GALNT9: variants seen among roughly 807,000 people sequenced by gnomAD.
GALNT9 encodes the protein polypeptide N-acetylgalactosaminyltransferase 9, also known as GalNAc transferase 9.
GALNT9 carries 47 observed loss-of-function variants against 63.1 expected under a neutral mutation model. The ratio of observed to expected loss-of-function variants is 0.75; its 90% confidence interval spans 0.59 to 0.95. The LOEUF (loss-of-function observed/expected upper bound fraction) is 0.95. Ranked by LOEUF, GALNT9 falls within the 40% of genes least tolerant of loss-of-function variation. The pLI, the probability that GALNT9 is intolerant of heterozygous loss-of-function variation, is 0.00. For synonymous variants in GALNT9, 396 were observed against 365.7 expected, an observed-to-expected ratio of 1.08 and a Z score of -0.94; for missense variants, 829 against 874.8, an observed-to-expected ratio of 0.95 and a Z score of 0.66.
At chr12:132,284,973 A>G (rs1555242024) in intron 2 of GALNT9, among the ~76,000 whole-genome samples, 1 of 152,222 alleles carries the variant, frequency 6.6e-6, no homozygotes, top group Non-Finnish European at 1.5e-5. Context: ...CCTGGGAACC[A>G]CTGCCTGAGT....
At chr12:132,231,156 C>A (rs1453107643) in intron 6 of GALNT9, among the ~76,000 whole-genome samples, 1 of 81,022 alleles carries the variant, frequency 1.2e-5, no homozygotes, top group Non-Finnish European at 2.3e-5. Flanking sequence ...AGCGTGGAGC[C>A]CCTAGTGCCA....
chr12:132,239,707 CAA>C (rs2136897385), intron 6 of GALNT9, among the ~76,000 whole-genome samples: 52 of 151,152 alleles, frequency 3.4e-4, no homozygotes, highest in Non-Finnish European at 6.8e-4. Context: ...CAGACTGAGA[CAA>C]AGAGACACAG....
At chr12:132,317,253 A>C (rs1555245788) in intron 1 of GALNT9, among the ~76,000 whole-genome samples, 1 of 151,840 alleles carries the variant, frequency 6.6e-6, no homozygotes, top group Non-Finnish European at 1.5e-5. Flanking sequence ...CCTGAATCCC[A>C]TACCCCATGG....
At chr12:132,197,389 A>G in intron 10 of GALNT9, 136 bp from the exon 11 acceptor site, 1 of 1,298,372 alleles carries the variant, frequency 7.7e-7, no homozygotes, top group South Asian at 1.5e-5. Context: ...CCAGCATCAC[A>G]GCAGCACCCA....
rs186213250 is a variant in GALNT9 at position 132,322,168 on chromosome 12, G to A, written c.238+6798C>T. ...TCCAGGTGGACGTGAGCTTCCGGGC[G>A]GGCCCCGTTCAACCCGTAACCATCC... is the stretch of plus-strand genomic sequence containing the variant. On this transcript the variant is annotated intron_variant, in intron 1 of 10. Coordinates refer to ENST00000328957, the MANE Select transcript of GALNT9 (RefSeq NM_001122636.2). 2.3e-3 allele frequency among the ~76,000 whole-genome samples: 349 copies of A among 152,288 alleles called. 1 individual carries two copies. Among genetic ancestry groups the A allele is most frequent in the African/African-American group, 8.0e-3 (334 of 41,550 alleles).
At chr12:132,213,508 GGCGCAC>G (rs1877054689) in intron 6 of GALNT9, among the ~76,000 whole-genome samples, 3 of 130,904 alleles carry the variant, frequency 2.3e-5, no homozygotes, top group Non-Finnish European at 3.3e-5. Context: ...CTCACACACA[GGCGCAC>G]TCACACACAC....
intron 6 of GALNT9, among the ~76,000 whole-genome samples, chr12:132,210,513 A>C (rs1459558798): frequency 6.6e-6 from 1 of 152,076 alleles, no homozygotes; most frequent in African/African-American, 2.4e-5. Context: ...TGGGGCCATG[A>C]GGCTTGGGCA....
Position 132,279,837 on chromosome 12 carries a change from G to A in GALNT9, c.419+6413C>T, listed in dbSNP as rs1349788838. The A allele has an allele frequency of 6.6e-6, 1 of 151,332 alleles. No homozygotes were observed. The highest frequency in any genetic ancestry group is 1.5e-5 in the Non-Finnish European group (1 of 67,844). The allele number at this position is 151,332 out of a possible 1,614,324, so 9.4% of individuals were successfully genotyped here. A position where few individuals can be genotyped will look rare whatever the true frequency, so the allele number is the denominator to read the frequency against. ...TGCCTGGATGCCCAGTGTCCACTGGGTCTCCTGGATCCAATTCCTGGATGC... is the reference window on the plus strand; with the variant it reads ...TGCCTGGATGCCCAGTGTCCACTGGATCTCCTGGATCCAATTCCTGGATGC... On this transcript the variant is annotated intron_variant, in intron 2 of 10. Transcript: ENST00000328957. This position sits in a 1 kb window ranked among gnomAD's most constrained non-coding sequence, Gnocchi z 4.1.
At chr12:132,266,165 G>A (rs1274923856) in intron 2 of GALNT9, among the ~76,000 whole-genome samples, 2 of 149,112 alleles carry the variant, frequency 1.3e-5, no homozygotes, top group African/African-American at 2.5e-5. Flanking sequence ...TGACCTCGCC[G>A]TATTTCATGA....
chr12:132,262,436 G>C, intron 3 of GALNT9, 23 bp downstream of exon 3: 1 of 1,541,158 alleles, frequency 6.5e-7, no homozygotes, highest in South Asian at 1.2e-5. Context: ...GGCGAGCACC[G>C]TGCCGAGGCC....
chr12:132,257,641 G>A lies in GALNT9; in HGVS notation c.959+48C>T, dbSNP rs538379099. Reference sequence around the variant, plus strand: ...CCCCACGCCCGCCTCGCTCTGCTCCGCTCCTTGCCGGGCAGGGCCGCCCTC... The same window carrying A: ...CCCCACGCCCGCCTCGCTCTGCTCCACTCCTTGCCGGGCAGGGCCGCCCTC... On this transcript the variant is annotated intron_variant, in intron 5 of 10. Transcript: ENST00000328957. The A allele has an allele frequency of 6.2e-4, 901 of 1,443,460 alleles. 3 individuals are homozygous for A. In the African/African-American group the frequency reaches 0.011, roughly 17 times the overall value. The allele number at this position is 1,443,460 out of a possible 1,614,324, so 89.4% of individuals were successfully genotyped here.
rs1256684045 is a variant in GALNT9 at position 132,310,590 on chromosome 12, G to A, written c.238+18376C>T. On this transcript the variant is annotated intron_variant, in intron 1 of 10. Coordinates refer to ENST00000328957, the MANE Select transcript of GALNT9 (RefSeq NM_001122636.2). The surrounding 1 kb of genome is among the most constrained non-coding windows in gnomAD (Gnocchi z 4.8). The stretch of plus-strand genomic sequence containing the variant: ...CACACGATACCTGGGATATGTGGGC[G>A]GCTGTGATTTTTCAACTTGGAAGGA... 3.9e-5 allele frequency among the ~76,000 whole-genome samples: 6 copies of A among 152,188 alleles called. No individual in the cohort carries two copies. The highest frequency in any genetic ancestry group is 1.9e-4 in the East Asian group (1 of 5,200).
At chr12:132,290,044 C>T (rs1001704263) in intron 1 of GALNT9, among the ~76,000 whole-genome samples, 4 of 152,288 alleles carry the variant, frequency 2.6e-5, no homozygotes, top group South Asian at 2.1e-4. Flanking sequence ...AGAAGCTGCT[C>T]GGGGGACACC....
At chr12:132,283,341 ACG>A (rs1880439729) in intron 2 of GALNT9, 1 of 152,276 alleles carries the variant, frequency 6.6e-6, no homozygotes, top group Non-Finnish European at 1.5e-5. Flanking sequence ...CTCCCAGGTG[ACG>A]GGAGGAATGA....
intron 8 of GALNT9, 100 bp downstream of exon 8, chr12:132,201,024 G>C: frequency 8.5e-7 from 1 of 1,180,598 alleles, no homozygotes; most frequent in Non-Finnish European, 1.2e-6. Context: ...ACCTCTCCGT[G>C]TGCATGTGGA....
At chr12:132,215,330 G>A (rs968215273) in intron 6 of GALNT9, among the ~76,000 whole-genome samples, 21 of 152,238 alleles carry the variant, frequency 1.4e-4, no homozygotes, top group African/African-American at 5.1e-4. Flanking sequence ...CCCCACACAC[G>A]AGACACAGTC....
chr12:132,256,379 T>C (rs532264198), intron 5 of GALNT9, among the ~76,000 whole-genome samples: 2 of 152,040 alleles, frequency 1.3e-5, no homozygotes, highest in South Asian at 4.2e-4. Flanking sequence ...CACTCCTCCC[T>C]GTTTCTAAGT....
intron 6 of GALNT9, among the ~76,000 whole-genome samples, chr12:132,210,778 C>G (rs916775273): frequency 1.3e-5 from 2 of 151,776 alleles, no homozygotes; most frequent in African/African-American, 4.8e-5. Flanking sequence ...GGCTTGGTCG[C>G]CATCTGGAGG....
intron 2 of GALNT9, chr12:132,277,939 C>G (rs1291502001): frequency 6.6e-6 from 1 of 152,176 alleles, no homozygotes; most frequent in Non-Finnish European, 1.5e-5. Context: ...TATAAGCCAC[C>G]CGGTCAGTGG....
Sources: allele counts gnomAD v4.1 joint callset (sites outside exome capture counted in the v4.1 genomes callset), GRCh38; gene constraint gnomAD v4.1.1; non-coding constraint Gnocchi (gnomAD v3.1); transcripts MANE v1.5; gene names NCBI Gene and HGNC (gene_info 2026-07-23, HGNC 2026-07-21).